Variants in KIAA1328 observed in about 807,000 individuals in gnomAD.
KIAA1328 encodes the protein KIAA1328.
Under a neutral mutation model 68.1 loss-of-function variants are expected in KIAA1328, and 52 were observed. That is an observed-to-expected ratio of 0.76 (90% CI 0.61 to 0.96). The LOEUF (loss-of-function observed/expected upper bound fraction) is 0.96, where lower values mean the gene tolerates loss of function less well. Ranked by LOEUF, KIAA1328 falls within the 40% of genes least tolerant of loss-of-function variation. The probability of loss-of-function intolerance (pLI) is 0.00; values close to 1 mark genes in which losing one functional copy is unlikely to be tolerated. For missense variants in KIAA1328, 641 were observed against 677.6 expected (o/e 0.95, Z 0.60); for synonymous variants, 232 against 239.4 (o/e 0.97, Z 0.28).
chr18:36,834,160 T>A (rs1281121335), intron 1 of KIAA1328, 160 bp from the exon 2 acceptor site: 2 of 1,137,806 alleles, frequency 1.8e-6, no homozygotes, highest in African/African-American at 3.2e-5. Flanking sequence ...TCTAACTTTG[T>A]TTTTAATTCA....
intron 9 of KIAA1328, among the ~76,000 whole-genome samples, chr18:37,213,534 A>G (rs1023995803): frequency 3.9e-5 from 6 of 152,208 alleles, no homozygotes; most frequent in Non-Finnish European, 7.3e-5. Flanking sequence ...ACATTTCCTT[A>G]ATCATGTCTA....
chr18:37,093,807 A>G (rs901122620), intron 7 of KIAA1328, among the ~76,000 whole-genome samples: 2 of 152,222 alleles, frequency 1.3e-5, no homozygotes, highest in African/African-American at 4.8e-5. Flanking sequence ...AAGTTCCCCA[A>G]ATAGATTCAA....
chr18:36,883,093 A>G (rs1483056681), intron 4 of KIAA1328, among the ~76,000 whole-genome samples: 1 of 152,162 alleles, frequency 6.6e-6, no homozygotes, highest in Admixed American at 6.5e-5. Flanking sequence ...ATATCTACTT[A>G]TAGATTTTCT....
Position 37,015,567 on chromosome 18 carries a change from T to A in KIAA1328, c.577-51323T>A, listed in dbSNP as rs911936062. Among the ~76,000 whole-genome samples the A allele has an allele frequency of 3.2e-4, 48 of 152,326 alleles. 1 individual carries two copies. Among genetic ancestry groups the A allele is most frequent in the African/African-American group, 1.1e-3 (47 of 41,576 alleles). On this transcript the variant is annotated intron_variant, in intron 6 of 9. Transcript: ENST00000280020. ...CATGACTAGTTTGGTACAAATACTGTCTATCTGTAGATTGCTTTGGGCAGT... is the reference window on the plus strand; with the variant it reads ...CATGACTAGTTTGGTACAAATACTGACTATCTGTAGATTGCTTTGGGCAGT...
chr18:36,901,242 A>G (rs575109995), intron 5 of KIAA1328, among the ~76,000 whole-genome samples: 1 of 152,106 alleles, frequency 6.6e-6, no homozygotes, highest in African/African-American at 2.4e-5. Context: ...GGAAGCTGTT[A>G]TGTTAATGTT....
intron 9 of KIAA1328, among the ~76,000 whole-genome samples, chr18:37,188,667 A>G (rs1457361359): frequency 1.3e-5 from 2 of 152,190 alleles, no homozygotes; most frequent in Non-Finnish European, 2.9e-5. Context: ...CAGTAAGTTT[A>G]TGCCTCACCA....
At chr18:36,850,258 G>A (rs1271107361) in intron 4 of KIAA1328, among the ~76,000 whole-genome samples, 2 of 151,798 alleles carry the variant, frequency 1.3e-5, no homozygotes, top group South Asian at 2.1e-4. Context: ...TAAATGAGAT[G>A]GTTTTCTTAG....
At chr18:36,937,820 T>A (rs1485029232) in intron 5 of KIAA1328, among the ~76,000 whole-genome samples, 1 of 152,066 alleles carries the variant, frequency 6.6e-6, no homozygotes, top group Non-Finnish European at 1.5e-5. Flanking sequence ...TTTATCTTCA[T>A]GAGATGTACT....
chr18:37,212,482 AAAG>A (rs541904836), intron 9 of KIAA1328, among the ~76,000 whole-genome samples: 324 of 152,292 alleles, frequency 2.1e-3, no homozygotes, highest in Non-Finnish European at 3.7e-3. Context: ...CCTTGTTCAG[AAAG>A]AAGAAGGAAA....
chr18:37,103,536 G>T (rs1410393933), intron 7 of KIAA1328, among the ~76,000 whole-genome samples: 1 of 152,100 alleles, frequency 6.6e-6, no homozygotes, highest in Non-Finnish European at 1.5e-5. Context: ...CATAAGACCT[G>T]AAATTATACA....
chr18:37,013,980 T>C (rs2054064310), intron 6 of KIAA1328, among the ~76,000 whole-genome samples: 1 of 152,246 alleles, frequency 6.6e-6, no homozygotes, highest in Non-Finnish European at 1.5e-5. Flanking sequence ...TGAACAGTCC[T>C]TTTCTCCGCA....
chr18:37,222,065 T>C lies in KIAA1328; in HGVS notation c.1572T>C (p.Ser524=). The change falls in exon 10 of 10, where the codon TCT becomes TCC. Residue 524 remains serine (S), a synonymous_variant. Transcript: ENST00000280020. ...TGGTTCAGTCTCTGAGCCCAAACTC[T>C]GCGCCCAAACCTCAGCGCTATCCCT... ...LDLVQSLSPN[S]APKPQRYPSR... The C allele has an allele frequency of 6.2e-7, 1 of 1,613,750 alleles. No homozygotes were observed. The highest frequency in any genetic ancestry group is 8.5e-7 in the Non-Finnish European group (1 of 1,179,770).
intron 6 of KIAA1328, 121 bp downstream of exon 6, chr18:36,959,556 C>G: frequency 1.9e-6 from 2 of 1,074,980 alleles, no homozygotes; most frequent in Non-Finnish European, 2.7e-6. Context: ...CATGTAGCCA[C>G]TGCGTGTGAT....
intron 5 of KIAA1328, among the ~76,000 whole-genome samples, chr18:36,889,630 A>T (rs1307247489): frequency 1.3e-5 from 2 of 152,216 alleles, no homozygotes; most frequent in African/African-American, 4.8e-5. Context: ...TTTGTTTATA[A>T]TATGTAGATA....
At chr18:37,020,462 C>G (rs758749281) in intron 6 of KIAA1328, among the ~76,000 whole-genome samples, 77 of 152,190 alleles carry the variant, frequency 5.1e-4, no homozygotes, top group Non-Finnish European at 1.3e-4. Flanking sequence ...AATAACTTCT[C>G]TCATGCAAAA....
rs527540846 is a variant in KIAA1328, at chr18:36,893,177, T to C, written c.448+7505T>C. ...TTACACTTTACTTTTTTGGAATTCA[T>C]CCAGGAATTAAGAATAAAATGAGGC... On this transcript the variant is annotated intron_variant, in intron 5 of 9. Coordinates refer to ENST00000280020, the MANE Select transcript of KIAA1328 (RefSeq NM_020776.3). Among the ~76,000 whole-genome samples the C allele has an allele frequency of 1.1e-3, 161 of 152,246 alleles. 2 individuals are homozygous for C. The highest frequency in any genetic ancestry group is 3.8e-3 in the African/African-American group (159 of 41,546).
intron 9 of KIAA1328, among the ~76,000 whole-genome samples, chr18:37,195,068 T>G (rs1446851541): frequency 3.3e-5 from 5 of 152,212 alleles, no homozygotes; most frequent in Non-Finnish European, 7.3e-5. Context: ...CACTGGGATA[T>G]CCATTACCTC....
intron 7 of KIAA1328, among the ~76,000 whole-genome samples, chr18:37,133,569 A>G (rs1228734458): frequency 1.5e-5 from 2 of 137,412 alleles, no homozygotes; most frequent in Non-Finnish European, 3.0e-5. Context: ...TCTGTCGCCC[A>G]GGCTGGAGTG....
At chr18:37,171,161 A>G (rs1413591571) in intron 8 of KIAA1328, among the ~76,000 whole-genome samples, 1 of 152,208 alleles carries the variant, frequency 6.6e-6, no homozygotes, top group Non-Finnish European at 1.5e-5. Context: ...CTAAGCATAT[A>G]GTATGTGTTA....
Sources: gnomAD v4.1 joint callset for allele counts (sites outside exome capture counted in the v4.1 genomes callset) on GRCh38, gnomAD v4.1.1 for gene constraint, MANE v1.5 for transcripts, NCBI Gene and HGNC (gene_info 2026-07-23, HGNC 2026-07-21) for gene names.